The following OTOF variants were observed in gnomAD, a reference collection of about 807,000 sequenced individuals.
OTOF encodes otoferlin.
A neutral mutation model predicts 236.8 loss-of-function variants in OTOF; 218 were observed. The ratio of observed to expected loss-of-function variants is 0.92; its 90% CI spans 0.82 to 1.03. OTOF has a LOEUF of 1.03. Ranked by LOEUF, OTOF falls within the 50% of genes least tolerant of loss-of-function variation. The pLI, the probability that OTOF is intolerant of heterozygous loss-of-function variation, is 0.00. For missense variants in OTOF, 2,590 were observed against 2,694.4 expected (o/e 0.96, Z 0.86); for synonymous variants, 1,041 against 1,072.5 (o/e 0.97, Z 0.57).
intron 3 of OTOF, among the ~76,000 whole-genome samples, chr2:26,523,948 C>G (rs1251624015): frequency 6.6e-6 from 1 of 152,126 alleles, no homozygotes; most frequent in African/African-American, 2.4e-5. Context: ...CTCTCTCCCA[C>G]TCTGACCCCC....
chr2:26,477,969 T>C lies in OTOF; in HGVS notation c.2215-220A>G. 7.5e-6 allele frequency: 11 copies of C among 1,466,862 alleles called. No individual in the cohort carries two copies. The highest frequency in any genetic ancestry group is 9.0e-6 in the Non-Finnish European group (10 of 1,110,376). The allele number at this position is 1,466,862 out of a possible 1,614,324, so 90.9% of individuals were successfully genotyped here. ...GTGTTCATGGGGGTTCTTCAGTTCC[T>C]GAAGGAAGAAGCCACCTCTGGGCTG... On this transcript the variant is annotated intron_variant, in intron 18 of 46. Coordinates refer to ENST00000272371, the MANE Select transcript of OTOF (RefSeq NM_194248.3). The surrounding 1 kb of genome is among the most constrained non-coding windows in gnomAD (Gnocchi z 4.7).
intron 3 of OTOF, among the ~76,000 whole-genome samples, chr2:26,524,315 C>T (rs1222929033): frequency 6.6e-6 from 1 of 152,216 alleles, no homozygotes; most frequent in Non-Finnish European, 1.5e-5. Context: ...CGAGACCATC[C>T]TGGCCAACAT....
Position 26,460,569 on chromosome 2 carries a change from G to A in OTOF, c.5813+78C>T, listed in dbSNP as rs1664411314. ...GCTGTGGCCCAGGAAGAGATGGGGT[G>A]TCTGGGGATCGTCTCCTTCCTGTTC... is the stretch of plus-strand genomic sequence containing the variant. On this transcript the variant is annotated intron_variant, in intron 45 of 46. Coordinates refer to ENST00000272371, the MANE Select transcript of OTOF (RefSeq NM_194248.3). The surrounding 1 kb of genome is among the most constrained non-coding windows in gnomAD (Gnocchi z 5.3). The A allele has an allele frequency of 4.4e-6, 5 of 1,135,440 alleles. No individual in the cohort carries two copies. Among genetic ancestry groups the A allele is most frequent in the Admixed American group, 3.7e-5 (2 of 54,050 alleles). The allele number at this position is 1,135,440 out of a possible 1,614,324, so 70.3% of individuals were successfully genotyped here. A position where few individuals can be genotyped will look rare whatever the true frequency, so the allele number is the denominator to read the frequency against.
At chr2:26,503,920 A>C in intron 5 of OTOF, 75 bp from the exon 6 acceptor site, 2 of 1,306,528 alleles carry the variant, frequency 1.5e-6, no homozygotes, top group Non-Finnish European at 2.2e-6. Context: ...CAGAAGAGCC[A>C]AACATGAGAG....
chr2:26,481,219 G>A (rs574990851), intron 14 of OTOF, among the ~76,000 whole-genome samples: 12 of 152,292 alleles, frequency 7.9e-5, no homozygotes, highest in South Asian at 4.1e-4. Flanking sequence ...GGCCTGAGCT[G>A]GAAGCAGTGG....
chr2:26,472,635 G>C lies in OTOF; in HGVS notation c.3748C>G (p.Arg1250Gly). The C allele has an allele frequency of 6.2e-7, 1 of 1,613,148 alleles. No homozygotes were observed. The highest frequency in any genetic ancestry group is 8.5e-7 in the Non-Finnish European group (1 of 1,179,932). The change falls in exon 30 of 47, where the codon CGC (arginine) becomes GGC (glycine). Residue 1250 changes from arginine to glycine, a missense_variant. Physicochemically the swap from Arg to Gly is moderately radical, Grantham distance 125. Around this residue, in one of 2 missense-constraint regions of OTOF, gnomAD observed 1,211 missense variants for 1,352.8 expected, o/e 0.90. Coordinates refer to ENST00000272371, the MANE Select transcript of OTOF (RefSeq NM_194248.3). ...CCCCCATTGCACAGCACACGGCAGCGCCGGAGAAGCCTGACTGGACAGATG... is the reference window on the plus strand; with the variant it reads ...CCCCCATTGCACAGCACACGGCAGCCCCGGAGAAGCCTGACTGGACAGATG... ...SWNTTVRLLR[R>G]CRVLCNGGSS... is the part of the protein sequence containing the mutation.
chr2:26,502,394 C>G lies in OTOF; in HGVS notation c.616G>C (p.Asp206His). Reference sequence around the variant, plus strand: ...TCTCCTAGCCGAATGGCCAGATGGTCAAGGTCTTCCATCTCCAGCACCGCC... The same window carrying G: ...TCTCCTAGCCGAATGGCCAGATGGTGAAGGTCTTCCATCTCCAGCACCGCC... ...EPAVLEMEDL[D>H]HLAIRLGDGL... The change falls in exon 7 of 47, where the codon GAC (aspartate) becomes CAC (histidine). Residue 206 changes from aspartate to histidine, a missense_variant. Around this residue, in one of 2 missense-constraint regions of OTOF, gnomAD observed 1,379 missense variants for 1,341.6 expected, o/e 1.03. Coordinates refer to ENST00000272371, the MANE Select transcript of OTOF (RefSeq NM_194248.3). 1.9e-6 allele frequency: 3 copies of G among 1,613,714 alleles called. No individual in the cohort carries two copies. Among genetic ancestry groups the G allele is most frequent in the Non-Finnish European group, 2.5e-6 (3 of 1,179,848 alleles).
rs1245210599 is a variant in OTOF at position 26,513,109 on chromosome 2, C to T, written c.509+3309G>A. ...GACCAGGGCCTAGGGGAGGTGGAAT[C>T]GTTGGGGCAGAGAGTCAGTGGGCGG... On this transcript the variant is annotated intron_variant, in intron 5 of 46. Transcript: ENST00000272371. Among the ~76,000 whole-genome samples, 10 of 152,192 alleles carry T rather than the reference C, an allele frequency of 6.6e-5. No individual in the cohort carries two copies. In the East Asian group the frequency reaches 7.7e-4, roughly 12 times the overall value.
intron 8 of OTOF, among the ~76,000 whole-genome samples, chr2:26,496,251 T>TC (rs1665981687): frequency 1.3e-5 from 2 of 151,278 alleles, no homozygotes; most frequent in African/African-American, 4.9e-5. Context: ...TTTTTTTTTT[T>TC]CACACTGAGT....
intron 30 of OTOF, among the ~76,000 whole-genome samples, chr2:26,472,013 C>T (rs1415849697): frequency 6.6e-6 from 1 of 152,062 alleles, no homozygotes; most frequent in African/African-American, 2.4e-5. Context: ...ACCACATGCA[C>T]ATATGCACAC....
rs772278180 is a variant in OTOF, at chr2:26,462,043, A to T, written c.5291+40T>A. On this transcript the variant is annotated intron_variant, in intron 42 of 46. Coordinates refer to ENST00000272371, the MANE Select transcript of OTOF (RefSeq NM_194248.3). This position sits in a 1 kb window ranked among gnomAD's most constrained non-coding sequence, Gnocchi z 4.7. ...TCCTGCCCCCCGGGAAGCAAGCCCC[A>T]CCCAGCTCAGTCCCTCCCATGCAGG... The T allele has an allele frequency of 9.5e-7, 1 of 1,052,846 alleles. No individual in the cohort carries two copies. Among genetic ancestry groups the T allele is most frequent in the Non-Finnish European group, 1.4e-6 (1 of 709,710 alleles). The allele number at this position is 1,052,846 out of a possible 1,614,324, so 65.2% of individuals were successfully genotyped here.
At chr2:26,557,984 G>C (rs1227655760) in intron 1 of OTOF, among the ~76,000 whole-genome samples, 1 of 151,878 alleles carries the variant, frequency 6.6e-6, no homozygotes, top group East Asian at 1.9e-4. Flanking sequence ...GGGGCTCCCG[G>C]GGTTCCCGCC....
intron 1 of OTOF, among the ~76,000 whole-genome samples, chr2:26,557,052 C>T (rs1171902479): frequency 6.6e-6 from 1 of 152,234 alleles, no homozygotes; most frequent in African/African-American, 2.4e-5. Flanking sequence ...CTCCCTCCTG[C>T]CTAACCTCCG....
chr2:26,503,235 C>T (rs921288726), intron 6 of OTOF, among the ~76,000 whole-genome samples: 22 of 152,336 alleles, frequency 1.4e-4, no homozygotes, highest in African/African-American at 5.1e-4. Flanking sequence ...TCCAGGCCTC[C>T]CGCCTCCTCT....
chr2:26,493,021 C>G (rs762435039), intron 9 of OTOF, among the ~76,000 whole-genome samples: 1 of 152,088 alleles, frequency 6.6e-6, no homozygotes, highest in Non-Finnish European at 1.5e-5. Context: ...AAGTAACCAC[C>G]GGGGCCACAG....
chr2:26,464,860 C>T lies in OTOF; in HGVS notation c.4960+9G>A, dbSNP rs1173682184. The T allele has an allele frequency of 7.5e-6, 12 of 1,601,820 alleles. No homozygotes were observed. The highest frequency in any genetic ancestry group is 9.4e-6 in the Non-Finnish European group (11 of 1,173,780). On this transcript the variant is annotated intron_variant, in intron 39 of 46. Coordinates refer to ENST00000272371, the MANE Select transcript of OTOF (RefSeq NM_194248.3). ...AGGGGGCAGGCGGCTGCATCCAGTG[C>T]CCCATTACCGTTCTCGTCCTCAATC...
rs138769870 is a variant in OTOF at position 26,479,490 on chromosome 2, C to T, written c.2076G>A (p.Arg692=). ...LASVSSTPPM[R]PQVTDRNYFH... is the part of the protein sequence containing the mutation. ...GGGCCCACCTGTCGGTGACCTGGGG[C>T]CGCATTGGTGGAGTGGAGGAGACTG... The change falls in exon 17 of 47, where the codon CGG becomes CGA. Residue 692 remains arginine (R), a synonymous_variant. Transcript: ENST00000272371. The T allele has an allele frequency of 3.7e-6, 6 of 1,601,428 alleles. No homozygotes were observed. The South Asian group carries it at 6.7e-5, about 18-fold the overall frequency.
Position 26,466,041 on chromosome 2 carries a change from T to C in OTOF, c.4536A>G (p.Lys1512=), listed in dbSNP as rs377545045. 1 of 1,614,110 alleles carries C rather than the reference T, an allele frequency of 6.2e-7. No individual in the cohort carries two copies. Among genetic ancestry groups the C allele is most frequent in the African/African-American group, 1.3e-5 (1 of 74,946 alleles). Residue 1512 remains lysine, a synonymous_variant, in exon 37 of 47, where the codon AAA becomes AAG. Transcript: ENST00000272371. The stretch of plus-strand genomic sequence containing the variant: ...GCCGGATGGCGATGTAGGGGTCAGC[T>C]TTGCCGTTGATGTCAGCAGGGTGCA... ...TDLHPADING[K]ADPYIAIRLG...
chr2:26,554,946 G>T (rs1487744225), intron 1 of OTOF, among the ~76,000 whole-genome samples: 2 of 152,192 alleles, frequency 1.3e-5, no homozygotes, highest in African/African-American at 4.8e-5. Context: ...AGGCTCAGGG[G>T]ATAGAAAGAG....
Sources: gnomAD v4.1 joint callset for allele counts (sites outside exome capture counted in the v4.1 genomes callset) on GRCh38, gnomAD v4.1.1 for gene constraint, gnomAD v4.1.1 regional missense constraint, Gnocchi (gnomAD v3.1) non-coding constraint, MANE v1.5 for transcripts, NCBI Gene and HGNC (gene_info 2026-07-23, HGNC 2026-07-21) for gene names.